TMEM108: variants seen among roughly 807,000 people sequenced by gnomAD.
TMEM108 encodes the protein cancer/testis antigen 124.
TMEM108 carries 12 observed loss-of-function variants against 35.1 expected under a neutral mutation model. That is an observed-to-expected ratio of 0.34 (90% CI 0.22 to 0.55). The LOEUF is 0.55. Ranked by LOEUF, TMEM108 falls within the 20% of genes least tolerant of loss-of-function variation. TMEM108 has a pLI of 0.89. For missense variants in TMEM108, 680 were observed against 753.3 expected (o/e 0.90, Z 1.14); for synonymous variants, 287 against 308.6 (o/e 0.93, Z 0.73).
intron 2 of TMEM108, among the ~76,000 whole-genome samples, chr3:133,203,636 G>A (rs551369949): frequency 6.6e-6 from 1 of 152,260 alleles, no homozygotes; most frequent in East Asian, 1.9e-4. Context: ...TGCATCCCCG[G>A]GATGAAGCCG....
At chr3:133,224,793 T>A (rs796852429) in intron 2 of TMEM108, among the ~76,000 whole-genome samples, 11 of 152,256 alleles carry the variant, frequency 7.2e-5, no homozygotes, top group African/African-American at 2.6e-4. Context: ...CTAATACATA[T>A]ATAGTGTATA....
intron 4 of TMEM108, chr3:133,386,712 C>T: frequency 7.3e-7 from 1 of 1,371,122 alleles, no homozygotes; most frequent in Non-Finnish European, 9.4e-7. Flanking sequence ...CAGTTAACAT[C>T]TTGTGTTTGC....
chr3:133,137,324 A>G (rs75135323), intron 2 of TMEM108, among the ~76,000 whole-genome samples: 2,721 of 152,330 alleles, frequency 0.018, 82 homozygotes, highest in African/African-American at 0.062. Flanking sequence ...GGCAAAATCT[A>G]TACCACGCTG....
chr3:133,065,203 A>G (rs114787163), intron 2 of TMEM108, among the ~76,000 whole-genome samples: 51 of 152,198 alleles, frequency 3.4e-4, no homozygotes, highest in African/African-American at 1.1e-3. Flanking sequence ...TTTTAGCACT[A>G]TGTATTCTTT....
At chr3:133,233,392 G>A (rs1299492456) in intron 3 of TMEM108, among the ~76,000 whole-genome samples, 2 of 152,070 alleles carry the variant, frequency 1.3e-5, no homozygotes, top group Admixed American at 1.3e-4. Flanking sequence ...TGGCTGCATA[G>A]TATTCCATGG....
rs60991711 is a variant in TMEM108, at chr3:133,342,555, T to TATATACACAC, written c.41-37196_41-37195insTATACACACA. Reference sequence around the variant, plus strand: ...AAAAAGAAAATGTGGTATATATATATACACACACACACACAATGGAGTACT... The same window carrying TATATACACAC: ...AAAAAGAAAATGTGGTATATATATATATATACACACACACACACACACACAATGGAGTACT... On this transcript the variant is annotated intron_variant, in intron 3 of 5. Coordinates refer to ENST00000321871, the MANE Select transcript of TMEM108 (RefSeq NM_023943.4). 8.5e-4 allele frequency among the ~76,000 whole-genome samples: 54 copies of TATATACACAC among 63,460 alleles called. 5 individuals are homozygous for TATATACACAC. Among genetic ancestry groups the TATATACACAC allele is most frequent in the Non-Finnish European group, 1.2e-3 (34 of 27,294 alleles). 41.6% of individuals were successfully genotyped at this position (63,460 alleles called of 152,430 possible).
chr3:133,243,578 T>C (rs1946342595), intron 3 of TMEM108, among the ~76,000 whole-genome samples: 1 of 150,790 alleles, frequency 6.6e-6, no homozygotes, highest in Non-Finnish European at 1.5e-5. Context: ...TGGAGTAGAG[T>C]GGCGCGATCT....
At chr3:133,318,265 G>A (rs1247477356) in intron 3 of TMEM108, among the ~76,000 whole-genome samples, 1 of 152,164 alleles carries the variant, frequency 6.6e-6, no homozygotes, top group East Asian at 1.9e-4. Context: ...GAACGCCCCT[G>A]GAAGACACTA....
intron 3 of TMEM108, among the ~76,000 whole-genome samples, chr3:133,313,465 G>A (rs571160285): frequency 3.7e-4 from 57 of 152,284 alleles, no homozygotes; most frequent in African/African-American, 1.3e-3. Flanking sequence ...GATTACAGGC[G>A]TGAGCCACCG....
intron 2 of TMEM108, among the ~76,000 whole-genome samples, chr3:133,090,451 T>C (rs868029360): frequency 6.6e-6 from 1 of 152,234 alleles, no homozygotes; most frequent in South Asian, 2.1e-4. Context: ...GTGAGGCCCT[T>C]GTATCTTTAG....
chr3:133,275,603 A>G (rs1946828091), intron 3 of TMEM108, among the ~76,000 whole-genome samples: 1 of 152,106 alleles, frequency 6.6e-6, no homozygotes. Flanking sequence ...GCAACTCTTG[A>G]GGTTAGATGG....
intron 2 of TMEM108, among the ~76,000 whole-genome samples, chr3:133,210,393 A>C (rs1454792639): frequency 6.6e-6 from 1 of 152,186 alleles, no homozygotes; most frequent in Non-Finnish European, 1.5e-5. Flanking sequence ...GAACTGCTAG[A>C]TTAGGTTTTT....
Position 133,179,649 on chromosome 3 carries a change from C to T in TMEM108, c.-46-49617C>T, listed in dbSNP as rs942975184. On this transcript the variant is annotated intron_variant, in intron 2 of 5. Coordinates refer to ENST00000321871, the MANE Select transcript of TMEM108 (RefSeq NM_023943.4). The stretch of plus-strand genomic sequence containing the variant: ...GGAAGGGGAACATCACACACTGGGG[C>T]CTGTTGTGGGGTGGGGGGAGTGGGG... 2.2e-4 allele frequency among the ~76,000 whole-genome samples: 34 copies of T among 151,252 alleles called. 1 individual carries two copies. Among genetic ancestry groups the T allele is most frequent in the Admixed American group, 5.9e-4 (9 of 15,168 alleles).
intron 4 of TMEM108, chr3:133,389,231 C>T (rs1010892825): frequency 2.1e-5 from 21 of 985,444 alleles, no homozygotes; most frequent in South Asian, 9.4e-5. Context: ...TCAACAATAT[C>T]GAGACATAAT....
At chr3:133,048,205 AT>A (rs1943362424) in intron 2 of TMEM108, among the ~76,000 whole-genome samples, 12 of 152,212 alleles carry the variant, frequency 7.9e-5, no homozygotes. Context: ...CTCATGTATA[AT>A]TAGACCAAAG....
At chr3:133,054,353 C>T (rs1943440539) in intron 2 of TMEM108, among the ~76,000 whole-genome samples, 1 of 152,118 alleles carries the variant, frequency 6.6e-6, no homozygotes, top group Non-Finnish European at 1.5e-5. Flanking sequence ...AATTGTATTT[C>T]CCATACAGAT....
intron 2 of TMEM108, among the ~76,000 whole-genome samples, chr3:133,196,827 C>G (rs144048365): frequency 8.9e-4 from 136 of 152,214 alleles, no homozygotes; most frequent in African/African-American, 3.1e-3. Context: ...TGTCATTCTT[C>G]CAGGTGGGAA....
intron 2 of TMEM108, among the ~76,000 whole-genome samples, chr3:133,146,298 A>G (rs1247241192): frequency 6.6e-6 from 1 of 152,234 alleles, no homozygotes; most frequent in Non-Finnish European, 1.5e-5. Flanking sequence ...CCAGCCTTGC[A>G]TCCCTGGGAT....
chr3:133,130,549 A>C (rs1203368582), intron 2 of TMEM108, among the ~76,000 whole-genome samples: 2 of 152,180 alleles, frequency 1.3e-5, no homozygotes, highest in Non-Finnish European at 2.9e-5. Flanking sequence ...TGCTCAGCAC[A>C]TGACCCAAGA....
Sources: allele counts gnomAD v4.1 joint callset (sites outside exome capture counted in the v4.1 genomes callset), GRCh38; gene constraint gnomAD v4.1.1; transcripts MANE v1.5; gene names NCBI Gene and HGNC (gene_info 2026-07-23, HGNC 2026-07-21).